SPOCK1: variants seen among roughly 807,000 people sequenced by gnomAD.
SPOCK1 encodes SPARC (osteonectin), cwcv and kazal like domains proteoglycan 1, also known as testican-1.
SPOCK1 carries 23 observed loss-of-function variants against 55.3 expected under a neutral mutation model. The observed-to-expected ratio is 0.42, with a 90% CI of 0.30 to 0.59. The LOEUF is 0.59. Ranked by LOEUF, SPOCK1 falls within the 20% of genes least tolerant of loss-of-function variation. SPOCK1 has a pLI of 0.22. For synonymous variants in SPOCK1, 226 were observed against 221.0 expected (o/e 1.02, Z -0.20); for missense variants, 499 against 552.5 (o/e 0.90, Z 0.97).
chr5:137,419,782 T>A (rs1356246795), intron 2 of SPOCK1, among the ~76,000 whole-genome samples: 2 of 152,128 alleles, frequency 1.3e-5, no homozygotes, highest in African/African-American at 2.4e-5. Flanking sequence ...TCCTAATTGA[T>A]TACCCTTTAT....
At chr5:137,448,156 G>A (rs1441991533) in intron 2 of SPOCK1, among the ~76,000 whole-genome samples, 1 of 152,168 alleles carries the variant, frequency 6.6e-6, no homozygotes, top group Non-Finnish European at 1.5e-5. Context: ...GCTAAAGCAG[G>A]AGAATCGCTT....
intron 3 of SPOCK1, among the ~76,000 whole-genome samples, chr5:137,243,912 T>C (rs1470040678): frequency 1.3e-5 from 2 of 152,152 alleles, no homozygotes; most frequent in Non-Finnish European, 2.9e-5. Flanking sequence ...TCAGGATCTA[T>C]GGGCAATGAA....
intron 2 of SPOCK1, among the ~76,000 whole-genome samples, chr5:137,364,710 TACTC>T (rs1373326761): frequency 1.3e-5 from 2 of 152,176 alleles, no homozygotes; most frequent in Non-Finnish European, 2.9e-5. Context: ...CAGTGCCCAA[TACTC>T]ACTGCTTACA....
intron 4 of SPOCK1, among the ~76,000 whole-genome samples, chr5:137,135,750 G>A (rs1248326017): frequency 6.6e-6 from 1 of 152,060 alleles, no homozygotes; most frequent in African/African-American, 2.4e-5. Context: ...CCCTTTTTGT[G>A]GGAGGTTTGT....
In SPOCK1 at chr5:137,365,731, C is replaced by A. The variant is rs146471069; in HGVS notation, c.187-98676G>T. ...AAACTTTCACCAAGACGGGCAAGAG[C>A]CACTGGATCTTGCTTTAAAAATCTC... On this transcript the variant is annotated intron_variant, in intron 2 of 10. Transcript: ENST00000394945. Among the ~76,000 whole-genome samples the A allele has an allele frequency of 3.5e-3, 532 of 152,216 alleles. 2 individuals carry two copies. The highest frequency in any genetic ancestry group is 0.012 in the African/African-American group (515 of 41,522).
At chr5:137,419,809 T>A (rs1412941868) in intron 2 of SPOCK1, among the ~76,000 whole-genome samples, 2 of 152,164 alleles carry the variant, frequency 1.3e-5, no homozygotes. Flanking sequence ...CTCCTGCCAG[T>A]TTTCCCTGGC....
Position 136,978,562 on chromosome 5 carries a change from G to C in SPOCK1, c.*92C>G. ...GTATAGAGAGCAACAATGGAGAAGA[G>C]ACCTTGGTGCCTTGGAGTCTTAGAT... On this transcript the variant is annotated 3_prime_UTR_variant, in exon 11 of 11. Coordinates refer to ENST00000394945, the MANE Select transcript of SPOCK1 (RefSeq NM_004598.4). 7.2e-7 allele frequency: 1 copy of C among 1,383,532 alleles called. No individual in the cohort carries two copies. The highest frequency in any genetic ancestry group is 2.3e-5 in the Admixed American group (1 of 42,804). The allele number at this position is 1,383,532 out of a possible 1,614,324, so 85.7% of individuals were successfully genotyped here.
chr5:137,390,159 T>C (rs562182459), intron 2 of SPOCK1, among the ~76,000 whole-genome samples: 34 of 152,314 alleles, frequency 2.2e-4, no homozygotes, highest in African/African-American at 8.2e-4. Flanking sequence ...ACTTGGGGAT[T>C]TTCTATTTAA....
chr5:137,495,221 G>A (rs1308703939), intron 2 of SPOCK1, among the ~76,000 whole-genome samples: 1 of 152,180 alleles, frequency 6.6e-6, no homozygotes, highest in Non-Finnish European at 1.5e-5. Flanking sequence ...GAAGGGGATA[G>A]GAAGTATTTA....
At chr5:137,095,921 C>G (rs1202765155) in intron 5 of SPOCK1, among the ~76,000 whole-genome samples, 1 of 151,600 alleles carries the variant, frequency 6.6e-6, no homozygotes, top group Non-Finnish European at 1.5e-5. Flanking sequence ...CCTCAGGAAC[C>G]CTCATTCCCT....
chr5:137,455,227 G>A (rs910493283), intron 2 of SPOCK1, among the ~76,000 whole-genome samples: 6 of 152,154 alleles, frequency 3.9e-5, no homozygotes, highest in Non-Finnish European at 7.4e-5. Flanking sequence ...TTCCTTGATG[G>A]ATCTGGGTCT....
At chr5:137,283,430 G>A (rs1757202492) in intron 2 of SPOCK1, among the ~76,000 whole-genome samples, 2 of 152,138 alleles carry the variant, frequency 1.3e-5, no homozygotes, top group African/African-American at 4.8e-5. Flanking sequence ...AGAACTAGCA[G>A]AGACCAGGCG....
chr5:137,117,548 C>T (rs1753611579), intron 4 of SPOCK1, among the ~76,000 whole-genome samples: 1 of 152,204 alleles, frequency 6.6e-6, no homozygotes, highest in African/African-American at 2.4e-5. Context: ...GAACACTTGG[C>T]ACATGATCCT....
chr5:137,369,902 A>T (rs1295601163), intron 2 of SPOCK1, among the ~76,000 whole-genome samples: 1 of 152,178 alleles, frequency 6.6e-6, no homozygotes, highest in Admixed American at 6.5e-5. Context: ...CCCCATCTCC[A>T]AATACCATCA....
At chr5:137,425,104 T>C (rs1301244675) in intron 2 of SPOCK1, among the ~76,000 whole-genome samples, 1 of 152,238 alleles carries the variant, frequency 6.6e-6, no homozygotes, top group East Asian at 1.9e-4. Flanking sequence ...TATAAATATT[T>C]CAGGCTGTCC....
At chr5:136,993,986 GC>G (rs888734184) in intron 6 of SPOCK1, among the ~76,000 whole-genome samples, 5 of 152,238 alleles carry the variant, frequency 3.3e-5, no homozygotes, top group South Asian at 2.1e-4. Context: ...TGCTTATCAG[GC>G]AAGCCCATTT....
At chr5:137,096,465 T>C (rs372734110) in intron 5 of SPOCK1, among the ~76,000 whole-genome samples, 2 of 152,036 alleles carry the variant, frequency 1.3e-5, no homozygotes, top group Non-Finnish European at 2.9e-5. Flanking sequence ...CTCTGCTCAG[T>C]GAAATGCCAT....
intron 2 of SPOCK1, among the ~76,000 whole-genome samples, chr5:137,360,506 G>T (rs866838169): frequency 2.6e-5 from 4 of 152,206 alleles, no homozygotes; most frequent in African/African-American, 7.2e-5. Flanking sequence ...GTCAATGGAG[G>T]TGATTCTCTC....
At chr5:137,400,833 A>G (rs1751958510) in intron 2 of SPOCK1, among the ~76,000 whole-genome samples, 1 of 152,188 alleles carries the variant, frequency 6.6e-6, no homozygotes, top group Admixed American at 6.5e-5. Context: ...AGGAGGGAGG[A>G]AAAGTGCGGA....
Sources: allele counts gnomAD v4.1 joint callset (sites outside exome capture counted in the v4.1 genomes callset), GRCh38; gene constraint gnomAD v4.1.1; transcripts MANE v1.5; gene names NCBI Gene and HGNC (gene_info 2026-07-23, HGNC 2026-07-21).